MTTP: variants seen among roughly 807,000 people sequenced by gnomAD.
The protein encoded by MTTP is microsomal triglyceride transfer protein large subunit.
MTTP carries 49 observed loss-of-function variants against 90.6 expected under a neutral mutation model. The observed-to-expected ratio is 0.54, with a 90% CI of 0.43 to 0.69. The LOEUF (loss-of-function observed/expected upper bound fraction) is 0.69. Among genes scored for constraint, MTTP ranks in the 30% least tolerant of loss-of-function variants. The pLI, the probability that MTTP is intolerant of heterozygous loss-of-function variation, is 0.00. For missense variants in MTTP, 945 were observed against 1,067.5 expected (o/e 0.89, Z 1.60); for synonymous variants, 347 against 384.2 (o/e 0.90, Z 1.13).
rs1330795965 is a variant in MTTP at position 99,608,639 on chromosome 4, C to A, written c.1558-127C>A. On this transcript the variant is annotated intron_variant, in intron 11 of 17. Transcript: ENST00000265517. ...TAGTCACGTGGCCCCCACCAAATCA[C>A]AAAGGAATCTGGGAAATGTAGTAAC... is the stretch of plus-strand genomic sequence containing the variant. The A allele has an allele frequency of 1.5e-5, 12 of 803,070 alleles. No individual in the cohort carries two copies. In the African/African-American group the frequency reaches 1.9e-4, roughly 13 times the overall value. The allele number at this position is 803,070 out of a possible 1,614,324, so 49.7% of individuals were successfully genotyped here.
At chr4:99,567,852 G>A (rs1463445231) in intron 1 of MTTP, among the ~76,000 whole-genome samples, 1 of 152,114 alleles carries the variant, frequency 6.6e-6, no homozygotes, top group Non-Finnish European at 1.5e-5. Flanking sequence ...AACTGGAAAA[G>A]ATATTCTACC....
chr4:99,589,688 A>G lies in MTTP; in HGVS notation c.439A>G (p.Asn147Asp). The change falls in exon 4 of 18, where the codon AAT becomes GAT. Residue 147 changes from asparagine (N) to aspartate (D), a missense_variant. Transcript: ENST00000265517. The stretch of plus-strand genomic sequence containing the variant: ...TCAAAATGAGGCAGTGGCCATAGAA[A>G]ATATCAAGAGAGGTCTGGCTAGCCT... ...SYQNEAVAIE[N>D]IKRGLASLFQ... is the part of the protein sequence containing the mutation. 1 of 1,610,824 alleles carries G rather than the reference A, an allele frequency of 6.2e-7. No individual in the cohort carries two copies. Among genetic ancestry groups the G allele is most frequent in the Non-Finnish European group, 8.5e-7 (1 of 1,177,274 alleles).
intron 8 of MTTP, among the ~76,000 whole-genome samples, chr4:99,600,218 A>G (rs1424658273): frequency 3.3e-5 from 5 of 152,194 alleles, no homozygotes; most frequent in Non-Finnish European, 7.4e-5. Context: ...GCTTTTATGT[A>G]TTACTCATAT....
intron 1 of MTTP, among the ~76,000 whole-genome samples, chr4:99,579,642 T>A (rs191680513): frequency 2.0e-5 from 3 of 152,308 alleles, no homozygotes; most frequent in Admixed American, 2.0e-4. Flanking sequence ...TATGTACTCA[T>A]TTTTTTATTG....
intron 12 of MTTP, among the ~76,000 whole-genome samples, chr4:99,610,859 A>G (rs1725932207): frequency 6.6e-6 from 1 of 152,226 alleles, no homozygotes; most frequent in Non-Finnish European, 1.5e-5. Flanking sequence ...GAATTTTGCC[A>G]TGCCTGAAAT....
chr4:99,604,939 A>G (rs184958120), intron 10 of MTTP, among the ~76,000 whole-genome samples: 31 of 152,298 alleles, frequency 2.0e-4, no homozygotes. Flanking sequence ...TCCTTAGAAT[A>G]TATTCCATCG....
Position 99,611,414 on chromosome 4 carries a change from C to G in MTTP, c.1950C>G (p.Ile650Met). Reference sequence around the variant, plus strand: ...TTCTAAGGAGAAGTAACCTGAACATCTTTCAGTACATTGGGAAGGCTGGTC... The same window carrying G: ...TTCTAAGGAGAAGTAACCTGAACATGTTTCAGTACATTGGGAAGGCTGGTC... Reference protein sequence around the residue: ...SGILRRSNLNIFQYIGKAGLH... With the variant: ...SGILRRSNLNMFQYIGKAGLH... Residue 650 changes from isoleucine (I) to methionine (M), a missense_variant, in exon 14 of 18, where the codon ATC becomes ATG. Coordinates refer to ENST00000265517, the MANE Select transcript of MTTP (RefSeq NM_001386140.1). 6.2e-7 allele frequency: 1 copy of G among 1,614,098 alleles called. No homozygotes were observed. The highest frequency in any genetic ancestry group is 8.5e-7 in the Non-Finnish European group (1 of 1,179,960).
intron 1 of MTTP, among the ~76,000 whole-genome samples, chr4:99,568,609 G>C (rs1248576005): frequency 2.0e-5 from 3 of 152,138 alleles, no homozygotes; most frequent in Non-Finnish European, 4.4e-5. Flanking sequence ...AAGGAAACCA[G>C]AGATTCTTGG....
At chr4:99,606,986 C>T in intron 11 of MTTP, 26 bp downstream of exon 11, 1 of 1,549,462 alleles carries the variant, frequency 6.5e-7, no homozygotes, top group Non-Finnish European at 8.9e-7. Context: ...ATATTTGCAA[C>T]ATTTACAGAA....
intron 3 of MTTP, 62 bp from the exon 4 acceptor site, chr4:99,589,581 T>C (rs980703497): frequency 5.2e-6 from 5 of 965,980 alleles, no homozygotes; most frequent in Non-Finnish European, 8.4e-6. Context: ...CTGACACTTA[T>C]TTAAATCTGA....
intron 1 of MTTP, among the ~76,000 whole-genome samples, chr4:99,568,133 G>A (rs373233710): frequency 2.0e-5 from 3 of 151,856 alleles, no homozygotes; most frequent in Admixed American, 2.0e-4. Flanking sequence ...AATATAGAAA[G>A]CACACACATA....
chr4:99,607,091 T>A, intron 11 of MTTP, 131 bp downstream of exon 11: 1 of 798,898 alleles, frequency 1.3e-6, no homozygotes, highest in Non-Finnish European at 2.0e-6. Flanking sequence ...TGCTTAAAAA[T>A]AACTCTTAAA....
intron 15 of MTTP, among the ~76,000 whole-genome samples, chr4:99,615,370 C>A (rs1470353186): frequency 6.6e-6 from 1 of 152,192 alleles, no homozygotes; most frequent in Non-Finnish European, 1.5e-5. Flanking sequence ...CCATAGTTTG[C>A]CAATCCCTGA....
chr4:99,589,785 A>C, intron 4 of MTTP, 35 bp downstream of exon 4: 206 of 1,321,542 alleles, frequency 1.6e-4, no homozygotes, highest in Non-Finnish European at 2.0e-4. Context: ...TCAGCATCTC[A>C]ATAAAATTTG....
At chr4:99,606,639 A>G (rs1725822735) in intron 10 of MTTP, 109 bp from the exon 11 acceptor site, 1 of 1,095,398 alleles carries the variant, frequency 9.1e-7, no homozygotes, top group Admixed American at 1.7e-5. Context: ...CCAATGCAAA[A>G]CTTTGTAAAA....
chr4:99,615,373 A>G (rs1578255408), intron 15 of MTTP, among the ~76,000 whole-genome samples: 2 of 152,230 alleles, frequency 1.3e-5, no homozygotes, highest in African/African-American at 4.8e-5. Flanking sequence ...TAGTTTGCCA[A>G]TCCCTGATCT....
chr4:99,571,727 A>C (rs1212783513), upstream of MTTP, among the ~76,000 whole-genome samples: 3 of 152,070 alleles, frequency 2.0e-5, no homozygotes, highest in East Asian at 5.8e-4. Context: ...GTATTCCTAT[A>C]TAATTTTGCC....
chr4:99,589,539 C>G, intron 3 of MTTP, 104 bp from the exon 4 acceptor site: 2 of 730,554 alleles, frequency 2.7e-6, no homozygotes, highest in East Asian at 5.4e-5. Context: ...CTCTTTCTCC[C>G]AGGATTAATA....
chr4:99,570,189 G>A (rs1724804232), upstream of MTTP, among the ~76,000 whole-genome samples: 1 of 151,774 alleles, frequency 6.6e-6, no homozygotes, highest in Non-Finnish European at 1.5e-5. Flanking sequence ...GTCATTTGGA[G>A]GAGTCCTTTA....
Sources: allele counts gnomAD v4.1 joint callset (sites outside exome capture counted in the v4.1 genomes callset), GRCh38; gene constraint gnomAD v4.1.1; transcripts MANE v1.5; gene names NCBI Gene and HGNC (gene_info 2026-07-23, HGNC 2026-07-21).